The following RTN1 variants were observed in gnomAD, a reference collection of about 807,000 sequenced individuals.
RTN1 encodes the protein reticulon-1.
A neutral mutation model predicts 65.5 loss-of-function variants in RTN1; 25 were observed. The ratio of observed to expected loss-of-function variants is 0.38; its 90% CI spans 0.28 to 0.53. The LOEUF is 0.53. Ranked by LOEUF, RTN1 falls within the 20% of genes least tolerant of loss-of-function variation. RTN1 has a pLI of 0.79. For synonymous variants in RTN1, 471 were observed against 447.6 expected, an observed-to-expected ratio of 1.05 and a Z score of -0.66; for missense variants, 983 against 1,025.4, an observed-to-expected ratio of 0.96 and a Z score of 0.57.
chr14:59,786,740 A>G (rs1331085118), intron 1 of RTN1, among the ~76,000 whole-genome samples: 1 of 152,216 alleles, frequency 6.6e-6, no homozygotes, highest in Non-Finnish European at 1.5e-5. Flanking sequence ...TACGCAGGCT[A>G]ACATGTCATC....
At chr14:59,717,641 G>T (rs1290007078) in intron 3 of RTN1, among the ~76,000 whole-genome samples, 1 of 152,184 alleles carries the variant, frequency 6.6e-6, no homozygotes, top group Admixed American at 6.5e-5. Context: ...AGCATCCCCT[G>T]GATGAGCTGG....
rs1297033046 is a variant in RTN1, at chr14:59,825,692, T to C, written c.241+44698A>G. Among the ~76,000 whole-genome samples, 1 of 152,220 alleles carries C rather than the reference T, an allele frequency of 6.6e-6. No homozygotes were observed. Among genetic ancestry groups the C allele is most frequent in the Non-Finnish European group, 1.5e-5 (1 of 68,036 alleles). ...GTGGCCAAGGAATAGTGTTACTGTG[T>C]GCTCTTAGAGTTACACAGAATTTTA... On this transcript the variant is annotated intron_variant, in intron 1 of 8. Coordinates refer to ENST00000267484, the MANE Select transcript of RTN1 (RefSeq NM_021136.3). This position sits in a 1 kb window ranked among gnomAD's most constrained non-coding sequence, Gnocchi z 4.2.
At chr14:59,776,405 T>G (rs1354443233) in intron 1 of RTN1, among the ~76,000 whole-genome samples, 1 of 152,156 alleles carries the variant, frequency 6.6e-6, no homozygotes, top group Non-Finnish European at 1.5e-5. Context: ...CTTGTCCTTC[T>G]GCCTTCCACC....
At chr14:59,607,900 TAA>T (rs1339057957) in intron 3 of RTN1, among the ~76,000 whole-genome samples, 15 of 130,822 alleles carry the variant, frequency 1.1e-4, no homozygotes, top group Non-Finnish European at 1.3e-4. Flanking sequence ...GACTCTGTCT[TAA>T]AAAAAAAAAA....
intron 1 of RTN1, among the ~76,000 whole-genome samples, chr14:59,830,521 T>C (rs74824606): frequency 0.015 from 2,354 of 152,330 alleles, 54 homozygotes; most frequent in East Asian, 0.059. Flanking sequence ...AGATGCCTAC[T>C]AGAGAGGTGC....
At chr14:59,674,155 C>T (rs1594670835) in intron 3 of RTN1, among the ~76,000 whole-genome samples, 1 of 152,178 alleles carries the variant, frequency 6.6e-6, no homozygotes, top group Non-Finnish European at 1.5e-5. Context: ...TGGAAGTCCA[C>T]AAGAGAAACA....
Position 59,727,768 on chromosome 14 carries a change from T to G in RTN1, c.1016-100A>C. 7.0e-7 allele frequency: 1 copy of G among 1,428,342 alleles called. No individual in the cohort carries two copies. Among genetic ancestry groups the G allele is most frequent in the Non-Finnish European group, 9.2e-7 (1 of 1,083,810 alleles). 88.5% of individuals were successfully genotyped at this position (1,428,342 alleles called of 1,614,324 possible). A position where few individuals can be genotyped will look rare whatever the true frequency, so the allele number is the denominator to read the frequency against. ...TAAAACAAAATTCCATTAGGCGAGA[T>G]GTTTTGTCGTTGCTTGAGAAACACA... On this transcript the variant is annotated intron_variant, in intron 2 of 8. Coordinates refer to ENST00000267484, the MANE Select transcript of RTN1 (RefSeq NM_021136.3). This position sits in a 1 kb window ranked among gnomAD's most constrained non-coding sequence, Gnocchi z 4.2.
chr14:59,855,969 G>A (rs8012293), intron 1 of RTN1, among the ~76,000 whole-genome samples: 16,108 of 152,198 alleles, frequency 0.11, 940 homozygotes, highest in South Asian at 0.23. Flanking sequence ...CTAGGATGCC[G>A]TTTTCTGGTC....
At chr14:59,701,716 T>C (rs1884182286) in intron 3 of RTN1, among the ~76,000 whole-genome samples, 1 of 151,924 alleles carries the variant, frequency 6.6e-6, no homozygotes, top group South Asian at 2.1e-4. Flanking sequence ...TTGAGGGGCA[T>C]GGGGTTTCTT....
intron 2 of RTN1, among the ~76,000 whole-genome samples, chr14:59,730,045 G>A (rs1884867017): frequency 6.6e-6 from 1 of 152,182 alleles, no homozygotes; most frequent in Non-Finnish European, 1.5e-5. Context: ...GGCATCATTT[G>A]TCGGTTTTCT....
intron 3 of RTN1, among the ~76,000 whole-genome samples, chr14:59,622,619 A>G (rs1882286998): frequency 6.6e-6 from 1 of 152,224 alleles, no homozygotes; most frequent in Non-Finnish European, 1.5e-5. Context: ...ACAAAATATC[A>G]CCACAAAATG....
chr14:59,681,583 A>T lies in RTN1; in HGVS notation c.1765+45336T>A, dbSNP rs571408545. ...CCACTGGGCTCTCTCACTCATGCTC[A>T]TAGTTACCACCAGACATGGGTACCA... On this transcript the variant is annotated intron_variant, in intron 3 of 8. Transcript: ENST00000267484. Among the ~76,000 whole-genome samples the T allele has an allele frequency of 2.0e-5, 3 of 152,294 alleles. No homozygotes were observed. In the South Asian group the frequency reaches 6.2e-4, roughly 32 times the overall value.
intron 1 of RTN1, among the ~76,000 whole-genome samples, chr14:59,869,240 G>C (rs931039847): frequency 9.9e-5 from 15 of 151,622 alleles, no homozygotes; most frequent in African/African-American, 2.9e-4. Flanking sequence ...TACGAAAAGG[G>C]GTTTCTTTAA....
intron 3 of RTN1, among the ~76,000 whole-genome samples, chr14:59,725,362 T>C (rs1884735832): frequency 6.6e-6 from 1 of 152,236 alleles, no homozygotes; most frequent in Non-Finnish European, 1.5e-5. Flanking sequence ...ACATGCCTGT[T>C]ACAGTACAGT....
chr14:59,683,236 G>A (rs1883779613), intron 3 of RTN1, among the ~76,000 whole-genome samples: 1 of 151,994 alleles, frequency 6.6e-6, no homozygotes, highest in South Asian at 2.1e-4. Context: ...TATTAATTTT[G>A]TGTATTAACA....
At chr14:59,667,044 G>A (rs1883394493) in intron 3 of RTN1, among the ~76,000 whole-genome samples, 1 of 150,620 alleles carries the variant, frequency 6.6e-6, no homozygotes, top group African/African-American at 2.4e-5. Context: ...AGAGGAGCTG[G>A]TACCATTCCT....
At chr14:59,688,333 T>G in intron 3 of RTN1, among the ~76,000 whole-genome samples, 1 of 152,186 alleles carries the variant, frequency 6.6e-6, no homozygotes, top group East Asian at 1.9e-4. Flanking sequence ...CCTTGAGGCC[T>G]AGGAGGTTTC....
chr14:59,804,844 G>A (rs946842920), intron 1 of RTN1, among the ~76,000 whole-genome samples: 3 of 152,158 alleles, frequency 2.0e-5, no homozygotes, highest in Admixed American at 6.5e-5. Context: ...TACTATTTTG[G>A]CATGAATTAG....
chr14:59,704,153 G>T (rs983176570), intron 3 of RTN1, among the ~76,000 whole-genome samples: 3 of 152,056 alleles, frequency 2.0e-5, no homozygotes, highest in Non-Finnish European at 4.4e-5. Context: ...TGAAAGTTAC[G>T]ATCTTGGTCT....
Sources: gnomAD v4.1 joint callset for allele counts (sites outside exome capture counted in the v4.1 genomes callset) on GRCh38, gnomAD v4.1.1 for gene constraint, Gnocchi (gnomAD v3.1) non-coding constraint, MANE v1.5 for transcripts, NCBI Gene and HGNC (gene_info 2026-07-23, HGNC 2026-07-21) for gene names.